Variants in SPIDR observed in about 807,000 individuals in gnomAD.
SPIDR encodes scaffold protein involved in DNA repair, also known as DNA repair-scaffolding protein.
SPIDR carries 93 observed loss-of-function variants against 104.6 expected under a neutral mutation model. The ratio of observed to expected loss-of-function variants is 0.89; its 90% CI spans 0.75 to 1.06. The LOEUF is 1.06. Among genes scored for constraint, SPIDR ranks in the 50% least tolerant of loss-of-function variants. The pLI, the probability that SPIDR is intolerant of heterozygous loss-of-function variation, is 0.00. For synonymous variants in SPIDR, 431 were observed against 416.9 expected (o/e 1.03, Z -0.41); for missense variants, 1,154 against 1,111.2 (o/e 1.04, Z -0.55).
At chr8:47,354,334 TG>T (rs1313996865) in intron 5 of SPIDR, among the ~76,000 whole-genome samples, 3 of 149,950 alleles carry the variant, frequency 2.0e-5, no homozygotes, top group Non-Finnish European at 4.4e-5. Context: ...TTATTTCGTT[TG>T]CCATCTTTTT....
chr8:47,544,795 C>G (rs754805344), intron 8 of SPIDR, among the ~76,000 whole-genome samples: 18 of 152,238 alleles, frequency 1.2e-4, no homozygotes, highest in Non-Finnish European at 2.1e-4. Flanking sequence ...TTTAGCTGTT[C>G]TAGTTCCTTT....
intron 8 of SPIDR, among the ~76,000 whole-genome samples, chr8:47,582,447 A>G (rs1388216054): frequency 1.3e-5 from 2 of 152,206 alleles, no homozygotes; most frequent in African/African-American, 4.8e-5. Context: ...CACCGTTGAC[A>G]GTGCTGATAG....
At chr8:47,695,917 C>G (rs956882572) in intron 11 of SPIDR, among the ~76,000 whole-genome samples, 1 of 152,190 alleles carries the variant, frequency 6.6e-6, no homozygotes, top group African/African-American at 2.4e-5. Context: ...CTTCCTTCAT[C>G]TATTGTATAT....
intron 5 of SPIDR, among the ~76,000 whole-genome samples, chr8:47,302,472 G>C (rs1292515601): frequency 6.6e-6 from 1 of 152,110 alleles, no homozygotes; most frequent in Admixed American, 6.6e-5. Flanking sequence ...GTCCAGCTTT[G>C]TTCCGTTGCT....
chr8:47,658,719 G>C (rs1221395838), intron 10 of SPIDR, among the ~76,000 whole-genome samples: 1 of 151,996 alleles, frequency 6.6e-6, no homozygotes, highest in Non-Finnish European at 1.5e-5. Flanking sequence ...TGGATCGCCT[G>C]AGGTCAGGAG....
intron 8 of SPIDR, among the ~76,000 whole-genome samples, chr8:47,577,840 A>G (rs1385460476): frequency 6.6e-6 from 1 of 152,198 alleles, no homozygotes. Flanking sequence ...CTGCTGAATC[A>G]AAGTCTGGAG....
chr8:47,296,224 C>A (rs2154241992), intron 5 of SPIDR, among the ~76,000 whole-genome samples: 1 of 152,262 alleles, frequency 6.6e-6, no homozygotes, highest in African/African-American at 2.4e-5. Flanking sequence ...ATCCATGGCA[C>A]ATCTTTTGCT....
intron 4 of SPIDR, among the ~76,000 whole-genome samples, chr8:47,291,537 ATAGT>A (rs1274351739): frequency 3.3e-5 from 5 of 152,208 alleles, no homozygotes; most frequent in Admixed American, 6.5e-5. Flanking sequence ...TTCCTTTCTA[ATAGT>A]TAGGATTTTA....
chr8:47,485,287 G>A lies in SPIDR; in HGVS notation c.1097+44745G>A, dbSNP rs935432609. On this transcript the variant is annotated intron_variant, in intron 8 of 19. Coordinates refer to ENST00000297423, the MANE Select transcript of SPIDR (RefSeq NM_001080394.4). ...GTACAGTCTGAGATCAAACTGCAAG[G>A]CGGCAGCGAGGCTGGGGGAGGGGCG... Among the ~76,000 whole-genome samples the A allele has an allele frequency of 2.6e-5, 4 of 152,214 alleles. No homozygotes were observed. The East Asian group carries it at 5.8e-4, about 22-fold the overall frequency.
intron 6 of SPIDR, among the ~76,000 whole-genome samples, chr8:47,397,225 C>T (rs997023819): frequency 1.2e-4 from 19 of 152,144 alleles, no homozygotes; most frequent in African/African-American, 4.3e-4. Flanking sequence ...AGGCCGGGCG[C>T]GGTGGCTCAC....
chr8:47,457,150 G>A (rs1256690076), intron 8 of SPIDR, among the ~76,000 whole-genome samples: 1 of 152,136 alleles, frequency 6.6e-6, no homozygotes, highest in Non-Finnish European at 1.5e-5. Context: ...TCAAATGGTA[G>A]TTCTACTTTT....
chr8:47,578,845 C>T (rs1428194626), intron 8 of SPIDR, among the ~76,000 whole-genome samples: 3 of 152,088 alleles, frequency 2.0e-5, no homozygotes, highest in Non-Finnish European at 2.9e-5. Flanking sequence ...TCATAAATGC[C>T]AGTCTTTTAT....
chr8:47,328,054 A>G (rs187838472), intron 5 of SPIDR, among the ~76,000 whole-genome samples: 143 of 151,116 alleles, frequency 9.5e-4, no homozygotes, highest in African/African-American at 3.3e-3. Context: ...TGGATGCACA[A>G]TAGTTTTTAG....
chr8:47,285,551 TTAAAC>T (rs1352062518), intron 3 of SPIDR, among the ~76,000 whole-genome samples: 3 of 152,210 alleles, frequency 2.0e-5, no homozygotes, highest in Non-Finnish European at 4.4e-5. Context: ...ATAGGATGTC[TTAAAC>T]TAATACTTCA....
intron 8 of SPIDR, among the ~76,000 whole-genome samples, chr8:47,484,153 A>C (rs1422677184): frequency 2.0e-5 from 3 of 152,236 alleles, no homozygotes; most frequent in African/African-American, 7.2e-5. Context: ...GACCTCACCG[A>C]AAGAAGTCAC....
intron 8 of SPIDR, among the ~76,000 whole-genome samples, chr8:47,518,180 A>G (rs757240730): frequency 5.4e-4 from 83 of 152,366 alleles, no homozygotes; most frequent in Admixed American, 3.2e-3. Flanking sequence ...CTGGCACAGC[A>G]GCCAGGCACT....
At position 47,701,960 on chromosome 8, in the gene SPIDR, A is replaced by G; in HGVS notation, c.1922A>G (p.Asn641Ser). The change falls in exon 14 of 20, where the codon AAT becomes AGT. Residue 641 changes from asparagine (N) to serine (S), a missense_variant. Asn to Ser is a conservative substitution (Grantham distance 46). Coordinates refer to ENST00000297423, the MANE Select transcript of SPIDR (RefSeq NM_001080394.4). The part of the protein sequence containing the change: ...TRCLRDILQM[N>S]DLGTRCSFYA... ...CCTTTTCTAATTCCTTTCCAGATGA[A>G]TGATCTTGGTACCCGTTGCAGTTTC... is the stretch of plus-strand genomic sequence containing the variant. 1 of 1,613,874 alleles carries G rather than the reference A, an allele frequency of 6.2e-7. No homozygotes were observed. Among genetic ancestry groups the G allele is most frequent in the Non-Finnish European group, 8.5e-7 (1 of 1,179,974 alleles).
chr8:47,418,676 G>A (rs2064831379), intron 7 of SPIDR, among the ~76,000 whole-genome samples: 2 of 152,156 alleles, frequency 1.3e-5, no homozygotes, highest in Admixed American at 1.3e-4. Flanking sequence ...AGTGGTGAGA[G>A]AGGGCATCCC....
At chr8:47,460,982 G>A (rs782468258) in intron 8 of SPIDR, among the ~76,000 whole-genome samples, 17 of 152,176 alleles carry the variant, frequency 1.1e-4, no homozygotes, top group Non-Finnish European at 1.9e-4. Flanking sequence ...GCTGAAGATA[G>A]GGCCCCAATC....
Sources: allele counts gnomAD v4.1 joint callset (sites outside exome capture counted in the v4.1 genomes callset), GRCh38; gene constraint gnomAD v4.1.1; transcripts MANE v1.5; gene names NCBI Gene and HGNC (gene_info 2026-07-23, HGNC 2026-07-21).